Variants in GAB1 observed in about 807,000 individuals in gnomAD.
The protein encoded by GAB1 is GRB2 associated binding protein 1, also known as GRB2-associated-binding protein 1.
Under a neutral mutation model 66.5 loss-of-function variants are expected in GAB1, and 19 were observed. That is an observed-to-expected ratio of 0.29 (90% CI 0.20 to 0.42). The LOEUF is 0.42. Ranked by LOEUF, GAB1 falls within the 10% of genes least tolerant of loss-of-function variation. GAB1 has a pLI of 1.00. For synonymous variants in GAB1, 294 were observed against 301.4 expected, an observed-to-expected ratio of 0.98 and a Z score of 0.25; for missense variants, 732 against 858.5, an observed-to-expected ratio of 0.85 and a Z score of 1.84.
chr4:143,338,676 G>A (rs1728732638), intron 1 of GAB1, among the ~76,000 whole-genome samples: 1 of 148,824 alleles, frequency 6.7e-6, no homozygotes, highest in African/African-American at 2.5e-5. Flanking sequence ...ACGAGGCAGT[G>A]TTTTTTTTTC....
At chr4:143,423,872 T>TA (rs1553951688) in intron 2 of GAB1, among the ~76,000 whole-genome samples, 157 of 136,162 alleles carry the variant, frequency 1.2e-3, no homozygotes, top group South Asian at 1.7e-3. Flanking sequence ...ATTTTTTTTT[T>TA]AAAAAAAAGG....
At chr4:143,461,481 A>C (rs1040783527) in intron 8 of GAB1, among the ~76,000 whole-genome samples, 4 of 152,070 alleles carry the variant, frequency 2.6e-5, no homozygotes, top group African/African-American at 9.7e-5. Context: ...TGACATTCCA[A>C]CTCCAGGTGG....
chr4:143,394,449 CTTGT>C (rs1444527835), intron 1 of GAB1, among the ~76,000 whole-genome samples: 11 of 152,134 alleles, frequency 7.2e-5, no homozygotes, highest in South Asian at 2.1e-4. Context: ...AAAAGCCTGA[CTTGT>C]TTATTTTCTA....
In GAB1 at chr4:143,471,329, G is replaced by A. The variant is rs990703030; in HGVS notation, c.*2140G>A. 2.6e-5 allele frequency: 4 copies of A among 152,160 alleles called. No individual in the cohort carries two copies. The highest frequency in any genetic ancestry group is 2.4e-5 in the African/African-American group (1 of 41,444). The allele number at this position is 152,160 out of a possible 1,614,324, so 9.4% of individuals were successfully genotyped here. A position where few individuals can be genotyped will look rare whatever the true frequency, so the allele number is the denominator to read the frequency against. ...AAAATGGTGATGTATTAGAAAGGCA[G>A]TTTGCTTTAGAAAACTAAATCACAT... On this transcript the variant is annotated 3_prime_UTR_variant, in exon 10 of 10. Transcript: ENST00000262994.
chr4:143,418,439 CAGTT>C (rs1373353913), intron 2 of GAB1, among the ~76,000 whole-genome samples: 1 of 152,264 alleles, frequency 6.6e-6, no homozygotes, highest in East Asian at 1.9e-4. Context: ...AACATCTAGT[CAGTT>C]GATGTCAATG....
chr4:143,419,734 G>A (rs1208573701), intron 2 of GAB1, among the ~76,000 whole-genome samples: 1 of 152,044 alleles, frequency 6.6e-6, no homozygotes, highest in African/African-American at 2.4e-5. Flanking sequence ...CTATGATTGA[G>A]ATTTTTCACA....
At position 143,468,918 on chromosome 4, in the gene GAB1, C is replaced by G. The variant is rs543232517; in HGVS notation, c.1927-113C>G. On this transcript the variant is annotated intron_variant, in intron 9 of 9. Coordinates refer to ENST00000262994, the MANE Select transcript of GAB1 (RefSeq NM_002039.4). The stretch of plus-strand genomic sequence containing the variant: ...ATCCTGGGCAACAAGAGCAAAACTC[C>G]TTCTCAAAAAAAAAAAGTATTCACA... 104 of 1,146,562 alleles carry G rather than the reference C, an allele frequency of 9.1e-5. 1 individual carries two copies. In the East Asian group the frequency reaches 9.5e-4, roughly 10 times the overall value. The allele number at this position is 1,146,562 out of a possible 1,614,324, so 71.0% of individuals were successfully genotyped here.
intron 1 of GAB1, among the ~76,000 whole-genome samples, chr4:143,409,386 T>TCCCC (rs146705733): frequency 2.2e-5 from 3 of 138,570 alleles, no homozygotes; most frequent in African/African-American, 5.4e-5. Context: ...CTTTGAACTT[T>TCCCC]CCCCCCCCCC....
At chr4:143,410,945 G>C (rs1732352694) in intron 1 of GAB1, among the ~76,000 whole-genome samples, 1 of 152,178 alleles carries the variant, frequency 6.6e-6, no homozygotes, top group Admixed American at 6.5e-5. Context: ...GATGTCAAAT[G>C]ATTTAGGAAA....
At chr4:143,377,665 GT>G (rs576300363) in intron 1 of GAB1, among the ~76,000 whole-genome samples, 13 of 152,302 alleles carry the variant, frequency 8.5e-5, no homozygotes, top group Admixed American at 3.3e-4. Context: ...CATGTCAGAT[GT>G]CTTGGCACAG....
chr4:143,409,239 A>C (rs1246869613), intron 1 of GAB1, among the ~76,000 whole-genome samples: 1 of 152,208 alleles, frequency 6.6e-6, no homozygotes, highest in Non-Finnish European at 1.5e-5. Flanking sequence ...TTTCAGACTG[A>C]AAAAGAAACA....
At chr4:143,405,587 CATTT>C (rs1460299663) in intron 1 of GAB1, among the ~76,000 whole-genome samples, 1 of 152,182 alleles carries the variant, frequency 6.6e-6, no homozygotes, top group Non-Finnish European at 1.5e-5. Context: ...GACATTCATT[CATTT>C]GTTCATTTAT....
chr4:143,337,065 C>G lies in GAB1; in HGVS notation c.-124C>G, dbSNP rs1363209325. 5 of 781,746 alleles carry G rather than the reference C, an allele frequency of 6.4e-6. No individual in the cohort carries two copies. The African/African-American group carries it at 7.2e-5, about 11-fold the overall frequency. 48.4% of individuals were successfully genotyped at this position (781,746 alleles called of 1,614,324 possible). A position where few individuals can be genotyped will look rare whatever the true frequency, so the allele number is the denominator to read the frequency against. On this transcript the variant is annotated 5_prime_UTR_variant, in exon 1 of 10. Transcript: ENST00000262994. ...CACCGTGGAGTCTGTCCGCCCAGTCCGTCCGGGGTGCGCGACCAGGAGAGC... is the reference window on the plus strand; with the variant it reads ...CACCGTGGAGTCTGTCCGCCCAGTCGGTCCGGGGTGCGCGACCAGGAGAGC...
chr4:143,427,447 C>T (rs938801459), intron 2 of GAB1, among the ~76,000 whole-genome samples: 14 of 151,916 alleles, frequency 9.2e-5, no homozygotes, highest in Admixed American at 3.3e-4. Context: ...TGTATGAAAA[C>T]AGAACGGGGT....
At chr4:143,378,730 C>T (rs1730528575) in intron 1 of GAB1, among the ~76,000 whole-genome samples, 1 of 148,866 alleles carries the variant, frequency 6.7e-6, no homozygotes, top group Admixed American at 6.7e-5. Context: ...TCTTTCTGAA[C>T]CACCGTCTCA....
chr4:143,365,274 A>G (rs937374969), intron 1 of GAB1, among the ~76,000 whole-genome samples: 6 of 152,082 alleles, frequency 3.9e-5, no homozygotes, highest in African/African-American at 1.4e-4. Flanking sequence ...GATACCTAAC[A>G]TTACTAATAT....
At chr4:143,355,114 G>A (rs936643788) in intron 1 of GAB1, among the ~76,000 whole-genome samples, 1 of 152,096 alleles carries the variant, frequency 6.6e-6, no homozygotes, top group African/African-American at 2.4e-5. Flanking sequence ...GACTCAAAGA[G>A]GATAAAGGCT....
chr4:143,406,935 T>C (rs1199414407), intron 1 of GAB1, among the ~76,000 whole-genome samples: 1 of 152,192 alleles, frequency 6.6e-6, no homozygotes, highest in Non-Finnish European at 1.5e-5. Context: ...TGCCCCACAG[T>C]GCTGTATTTA....
At chr4:143,351,330 G>C (rs1461257533) in intron 1 of GAB1, among the ~76,000 whole-genome samples, 1 of 152,134 alleles carries the variant, frequency 6.6e-6, no homozygotes, top group Admixed American at 6.5e-5. Context: ...TTTTCCCCTG[G>C]AGTCCGGCCA....
Sources: allele counts gnomAD v4.1 joint callset (sites outside exome capture counted in the v4.1 genomes callset), GRCh38; gene constraint gnomAD v4.1.1; transcripts MANE v1.5; gene names NCBI Gene and HGNC (gene_info 2026-07-23, HGNC 2026-07-21).